ADGRL2: variants seen among roughly 807,000 people sequenced by gnomAD.
ADGRL2 encodes adhesion G protein-coupled receptor L2, also known as calcium-independent alpha-latrotoxin receptor 2.
A neutral mutation model predicts 157.4 loss-of-function variants in ADGRL2; 44 were observed. That is an observed-to-expected ratio of 0.28 (90% CI 0.22 to 0.36). ADGRL2 has a LOEUF of 0.36. Among genes scored for constraint, ADGRL2 ranks in the 10% least tolerant of loss-of-function variants. The probability of loss-of-function intolerance (pLI) is 1.00; values close to 1 mark genes in which losing one functional copy is unlikely to be tolerated. For missense variants in ADGRL2, 1,510 were observed against 1,768.9 expected, an observed-to-expected ratio of 0.85 and a Z score of 2.63; for synonymous variants, 585 against 624.7, an observed-to-expected ratio of 0.94 and a Z score of 0.95.
intron 2 of ADGRL2, among the ~76,000 whole-genome samples, chr1:81,783,085 T>C (rs1404881410): frequency 1.3e-5 from 2 of 152,222 alleles, no homozygotes; most frequent in African/African-American, 2.4e-5. Context: ...ATGTCCAGCA[T>C]GCATATAGGC....
intron 1 of ADGRL2, among the ~76,000 whole-genome samples, chr1:81,805,653 A>G (rs901135608): frequency 6.7e-6 from 1 of 149,626 alleles, no homozygotes; most frequent in African/African-American, 2.5e-5. Context: ...GTATATCATT[A>G]TATCCTTACC....
intron 6 of ADGRL2, among the ~76,000 whole-genome samples, chr1:81,945,730 T>C (rs565648713): frequency 2.7e-4 from 41 of 152,136 alleles, no homozygotes; most frequent in Non-Finnish European, 3.1e-4. Flanking sequence ...CCTACAACTA[T>C]GGTTTGTCAT....
chr1:81,732,844 T>C (rs1243374698), intron 1 of ADGRL2, among the ~76,000 whole-genome samples: 8 of 152,190 alleles, frequency 5.3e-5, no homozygotes, highest in Admixed American at 3.3e-4. Flanking sequence ...TAGGCAGAAT[T>C]GTCAATTGAC....
chr1:81,721,661 A>C, intron 1 of ADGRL2: 4 of 975,384 alleles, frequency 4.1e-6, no homozygotes, highest in Non-Finnish European at 6.3e-6. Flanking sequence ...ACCGGGCTGC[A>C]GCTCTTCAGC....
At chr1:81,534,540 A>C (rs1473885802) in intron 2 of ADGRL2, among the ~76,000 whole-genome samples, 1 of 152,246 alleles carries the variant, frequency 6.6e-6, no homozygotes, top group East Asian at 1.9e-4. Flanking sequence ...CACACATGTT[A>C]TCTGATATGA....
chr1:81,528,505 G>A (rs574560424), intron 2 of ADGRL2, among the ~76,000 whole-genome samples: 5 of 152,016 alleles, frequency 3.3e-5, no homozygotes, highest in African/African-American at 1.2e-4. Flanking sequence ...AAATTAGCCG[G>A]GCGCTGTGGC....
chr1:81,878,658 G>A (rs994160346), intron 2 of ADGRL2, among the ~76,000 whole-genome samples: 1 of 152,166 alleles, frequency 6.6e-6, no homozygotes, highest in Non-Finnish European at 1.5e-5. Flanking sequence ...GTGCCAGAGA[G>A]AGATGTTGTA....
chr1:81,959,441 T>C (rs560949340), intron 11 of ADGRL2, among the ~76,000 whole-genome samples: 3 of 152,310 alleles, frequency 2.0e-5, no homozygotes, highest in South Asian at 4.1e-4. Context: ...GTATTTTTCC[T>C]CCAGTATGTG....
upstream of ADGRL2, among the ~76,000 whole-genome samples, chr1:81,797,791 TAA>T (rs2087665487): frequency 6.6e-6 from 1 of 152,148 alleles, no homozygotes; most frequent in African/African-American, 2.4e-5. Context: ...TTACTAAAAT[TAA>T]AAACATGAGT....
At chr1:81,938,056 G>A (rs1337544183) in intron 4 of ADGRL2, among the ~76,000 whole-genome samples, 1 of 151,704 alleles carries the variant, frequency 6.6e-6, no homozygotes, top group Non-Finnish European at 1.5e-5. Flanking sequence ...ATGTGTTACT[G>A]TGAAATGGAT....
chr1:81,439,650 AC>A (rs1557690117), intron 1 of ADGRL2, among the ~76,000 whole-genome samples: 1 of 152,192 alleles, frequency 6.6e-6, no homozygotes, highest in Non-Finnish European at 1.5e-5. Flanking sequence ...ATGCAGCAGC[AC>A]CCATGTGAGG....
chr1:81,486,530 A>C (rs1278593302), intron 2 of ADGRL2, among the ~76,000 whole-genome samples: 1 of 151,830 alleles, frequency 6.6e-6, no homozygotes, highest in Non-Finnish European at 1.5e-5. Context: ...TATCTACTAC[A>C]TGTTGATAAA....
chr1:81,861,779 C>T (rs1226446350), intron 2 of ADGRL2, among the ~76,000 whole-genome samples: 2 of 151,864 alleles, frequency 1.3e-5, no homozygotes, highest in Admixed American at 6.6e-5. Flanking sequence ...ATCCCAGACT[C>T]GGGAGGCTGA....
intron 1 of ADGRL2, among the ~76,000 whole-genome samples, chr1:81,802,731 C>T (rs895455665): frequency 6.6e-6 from 1 of 152,140 alleles, no homozygotes; most frequent in Admixed American, 6.5e-5. Flanking sequence ...CCTCCGGTCC[C>T]GCACTGTAAG....
At chr1:81,833,415 G>C (rs1049997837) in intron 1 of ADGRL2, among the ~76,000 whole-genome samples, 2 of 152,274 alleles carry the variant, frequency 1.3e-5, no homozygotes, top group South Asian at 4.1e-4. Flanking sequence ...GCTTTAGATA[G>C]AACTCCTTAT....
At chr1:81,473,084 G>T (rs529554602) in intron 2 of ADGRL2, among the ~76,000 whole-genome samples, 291 of 151,684 alleles carry the variant, frequency 1.9e-3, no homozygotes, top group African/African-American at 6.4e-3. Flanking sequence ...AGGGAGGGAG[G>T]AGAGAGGGAA....
At chr1:81,865,623 G>C (rs900908262) in intron 2 of ADGRL2, among the ~76,000 whole-genome samples, 11 of 152,076 alleles carry the variant, frequency 7.2e-5, no homozygotes, top group Non-Finnish European at 1.6e-4. Context: ...AGATACCCAG[G>C]GAGTGAAGTG....
chr1:81,919,210 AT>A, intron 3 of ADGRL2, among the ~76,000 whole-genome samples: 1 of 152,298 alleles, frequency 6.6e-6, no homozygotes, highest in Non-Finnish European at 1.5e-5. Flanking sequence ...AAAGGACATT[AT>A]TTAAGTTTAT....
chr1:81,852,668 A>G lies in ADGRL2; in HGVS notation c.73+15611A>G, dbSNP rs150591861. 2.5e-3 allele frequency among the ~76,000 whole-genome samples: 377 copies of G among 152,194 alleles called. 1 individual carries two copies. Among genetic ancestry groups the G allele is most frequent in the Admixed American group, 3.8e-3 (58 of 15,258 alleles). Reference sequence around the variant, plus strand: ...CTTTTTATTTAGCATTTGCAAGTGTATATCTGATGTGCCATGCTGCCTCTA... The same window carrying G: ...CTTTTTATTTAGCATTTGCAAGTGTGTATCTGATGTGCCATGCTGCCTCTA... On this transcript the variant is annotated intron_variant, in intron 2 of 23. Coordinates refer to ENST00000686636, the MANE Select transcript of ADGRL2 (RefSeq NM_001366006.2).
Sources: gnomAD v4.1 joint callset for allele counts (sites outside exome capture counted in the v4.1 genomes callset) on GRCh38, gnomAD v4.1.1 for gene constraint, MANE v1.5 for transcripts, NCBI Gene and HGNC (gene_info 2026-07-23, HGNC 2026-07-21) for gene names.